Variants in PCSK5 observed in about 807,000 individuals in gnomAD.
PCSK5 encodes the protein proprotein convertase subtilisin/kexin type 5.
PCSK5 carries 129 observed loss-of-function variants against 233.2 expected under a neutral mutation model. That is an observed-to-expected ratio of 0.55 (90% CI 0.48 to 0.64). The LOEUF (loss-of-function observed/expected upper bound fraction) is 0.64, where lower values mean the gene tolerates loss of function less well. Ranked by LOEUF, PCSK5 falls within the 30% of genes least tolerant of loss-of-function variation. The probability of loss-of-function intolerance (pLI) is 0.00; values close to 1 mark genes in which losing one functional copy is unlikely to be tolerated. For missense variants in PCSK5, 2,076 were observed against 2,430.1 expected (o/e 0.85, Z 3.06); for synonymous variants, 825 against 879.2 (o/e 0.94, Z 1.09).
chr9:76,272,364 T>G (rs755678452), intron 24 of PCSK5, among the ~76,000 whole-genome samples: 1 of 152,090 alleles, frequency 6.6e-6, no homozygotes, highest in Non-Finnish European at 1.5e-5. Flanking sequence ...TCTTCTTCTA[T>G]TCTCTCATTT....
intron 8 of PCSK5, among the ~76,000 whole-genome samples, chr9:76,106,194 C>T (rs529353577): frequency 2.6e-5 from 4 of 152,228 alleles, no homozygotes; most frequent in Non-Finnish European, 4.4e-5. Flanking sequence ...TGCCTTGATG[C>T]GAAAGACAGA....
chr9:76,251,381 G>A (rs1030062413), intron 24 of PCSK5, among the ~76,000 whole-genome samples: 1 of 152,012 alleles, frequency 6.6e-6, no homozygotes, highest in Non-Finnish European at 1.5e-5. Flanking sequence ...GGCCAAGATG[G>A]TGAAACCCCG....
At chr9:76,136,374 G>A (rs1410377553) in intron 10 of PCSK5, among the ~76,000 whole-genome samples, 1 of 152,058 alleles carries the variant, frequency 6.6e-6, no homozygotes, top group East Asian at 1.9e-4. Context: ...GCAGAAAGAT[G>A]CTATGACTTT....
At chr9:76,315,641 A>G (rs984475035) in intron 30 of PCSK5, among the ~76,000 whole-genome samples, 1 of 139,102 alleles carries the variant, frequency 7.2e-6, no homozygotes, top group African/African-American at 2.8e-5. Context: ...GGAGAAGACT[A>G]CTTTTTTTTT....
chr9:76,244,141 A>G lies in PCSK5; in HGVS notation c.3142+3457A>G, dbSNP rs113307021. Among the ~76,000 whole-genome samples the G allele has an allele frequency of 8.0e-3, 1,212 of 152,248 alleles. 15 individuals are homozygous for G. The highest frequency in any genetic ancestry group is 0.028 in the African/African-American group (1,178 of 41,554). Reference sequence around the variant, plus strand: ...CTCAGGAAGTTGAGGTGGGAGGATCACCTGAGCCTGGGAAGTCAAGGCTGC... The same window carrying G: ...CTCAGGAAGTTGAGGTGGGAGGATCGCCTGAGCCTGGGAAGTCAAGGCTGC... On this transcript the variant is annotated intron_variant, in intron 24 of 37. Transcript: ENST00000674117.
At position 76,148,333 on chromosome 9, in the gene PCSK5, G is replaced by A. The variant is rs1041968656; in HGVS notation, c.1313-8712G>A. On this transcript the variant is annotated intron_variant, in intron 10 of 37. Transcript: ENST00000674117. The stretch of plus-strand genomic sequence containing the variant: ...TGTTGCTTAGAGAGGGAGAGAGAGA[G>A]GGAGGGAGTTTCTCTCTCCCTCTCT... 1.6e-5 allele frequency among the ~76,000 whole-genome samples: 2 copies of A among 124,726 alleles called. 1 individual carries two copies. The highest frequency in any genetic ancestry group is 6.3e-4 in the South Asian group (2 of 3,192). The allele number at this position is 124,726 out of a possible 152,430, so 81.8% of individuals were successfully genotyped here.
chr9:76,039,219 T>C (rs1437251605), intron 5 of PCSK5, among the ~76,000 whole-genome samples: 2 of 152,230 alleles, frequency 1.3e-5, no homozygotes, highest in Non-Finnish European at 2.9e-5. Flanking sequence ...GAATCCGCAC[T>C]GTAAAACTTA....
intron 1 of PCSK5, among the ~76,000 whole-genome samples, chr9:75,907,369 A>C (rs548455936): frequency 6.6e-6 from 1 of 152,338 alleles, no homozygotes; most frequent in East Asian, 1.9e-4. Context: ...AAAATTCTAT[A>C]TAGTCAAGAA....
intron 7 of PCSK5, among the ~76,000 whole-genome samples, chr9:76,081,223 G>T (rs539155123): frequency 2.0e-5 from 3 of 152,238 alleles, no homozygotes; most frequent in Non-Finnish European, 4.4e-5. Context: ...GGAGGCTGAG[G>T]TGGGCAAATC....
chr9:76,297,010 G>A (rs949661242), intron 27 of PCSK5, 145 bp downstream of exon 27: 20 of 627,064 alleles, frequency 3.2e-5, no homozygotes, highest in African/African-American at 5.5e-5. Flanking sequence ...AGTTGGGATC[G>A]TTCCTGAGTC....
chr9:76,023,629 C>T, intron 3 of PCSK5, 109 bp from the exon 4 acceptor site: 1 of 1,041,784 alleles, frequency 9.6e-7, no homozygotes, highest in South Asian at 1.7e-5. Flanking sequence ...CACTACTACA[C>T]TCCAGCCTGG....
intron 1 of PCSK5, among the ~76,000 whole-genome samples, chr9:75,892,505 G>C (rs1825654925): frequency 6.6e-6 from 1 of 152,250 alleles, no homozygotes; most frequent in African/African-American, 2.4e-5. Context: ...GATGGATGGC[G>C]CCTTTCCAGC....
At chr9:76,127,049 T>C (rs1342701486) in intron 9 of PCSK5, among the ~76,000 whole-genome samples, 42 of 152,210 alleles carry the variant, frequency 2.8e-4, no homozygotes, top group Admixed American at 2.7e-3. Context: ...AGCTTCATTT[T>C]AAAATATACT....
Position 76,157,257 on chromosome 9 carries a change from A to G in PCSK5, c.1430+95A>G, listed in dbSNP as rs1822627822. The stretch of plus-strand genomic sequence containing the variant: ...CAGCCTCTTGTTGCACACAGAAGCT[A>G]AAAGCTTCTGTAGTTTCTCTCTAAT... On this transcript the variant is annotated intron_variant, in intron 11 of 37. Coordinates refer to ENST00000674117, the MANE Select transcript of PCSK5 (RefSeq NM_001372043.1). 1.5e-5 allele frequency: 12 copies of G among 780,174 alleles called. 1 individual carries two copies. The South Asian group carries it at 1.7e-4, about 11-fold the overall frequency. The allele number at this position is 780,174 out of a possible 1,614,324, so 48.3% of individuals were successfully genotyped here.
At chr9:76,331,825 AAAAGG>A (rs1330059508) in intron 33 of PCSK5, among the ~76,000 whole-genome samples, 27 of 152,298 alleles carry the variant, frequency 1.8e-4, no homozygotes, top group African/African-American at 6.3e-4. Context: ...TAGCAAGTGG[AAAAGG>A]AAAGGAAACA....
intron 20 of PCSK5, chr9:76,193,138 A>C (rs1039124137): frequency 2.9e-6 from 3 of 1,045,936 alleles, no homozygotes; most frequent in Non-Finnish European, 4.1e-6. Context: ...CCAATTCCCC[A>C]AATCTGCCTC....
At position 76,118,307 on chromosome 9, in the gene PCSK5, T is replaced by G. The variant is rs375128547; in HGVS notation, c.1208+10956T>G. Among the ~76,000 whole-genome samples the G allele has an allele frequency of 1.2e-4, 18 of 150,920 alleles. No individual in the cohort carries two copies. The South Asian group carries it at 3.7e-3, about 31-fold the overall frequency. ...GGTTATTTTTAAAACAAAGGTATAT[T>G]TTTTAATTTTAAAAAATAATTTTAA... On this transcript the variant is annotated intron_variant, in intron 9 of 37. Transcript: ENST00000674117.
chr9:76,120,168 T>C (rs918060790), intron 9 of PCSK5, among the ~76,000 whole-genome samples: 3 of 152,146 alleles, frequency 2.0e-5, no homozygotes, highest in Non-Finnish European at 4.4e-5. Context: ...CCCAATGTCA[T>C]TTGTTAAGTA....
chr9:75,955,109 G>T (rs556712577), intron 2 of PCSK5, among the ~76,000 whole-genome samples: 6 of 152,280 alleles, frequency 3.9e-5, no homozygotes, highest in Non-Finnish European at 8.8e-5. Flanking sequence ...CTGGGCAAGT[G>T]CTGTGCATTC....
Sources: gnomAD v4.1 joint callset for allele counts (sites outside exome capture counted in the v4.1 genomes callset) on GRCh38, gnomAD v4.1.1 for gene constraint, MANE v1.5 for transcripts, NCBI Gene and HGNC (gene_info 2026-07-23, HGNC 2026-07-21) for gene names.